The following NCAM1 variants were observed in gnomAD, a reference collection of about 807,000 sequenced individuals.
NCAM1 encodes the protein antigen recognized by monoclonal antibody 5.1H11.
A neutral mutation model predicts 109.8 loss-of-function variants in NCAM1; 14 were observed. That is an observed-to-expected ratio of 0.13 (90% confidence interval 0.08 to 0.20). NCAM1 has a LOEUF of 0.20. Ranked by LOEUF, NCAM1 falls within the 10% of genes least tolerant of loss-of-function variation. The pLI, the probability that NCAM1 is intolerant of heterozygous loss-of-function variation, is 1.00. For synonymous variants in NCAM1, 418 were observed against 442.9 expected (o/e 0.94, Z 0.70); for missense variants, 774 against 1,109.9 (o/e 0.70, Z 4.30).
At chr11:113,190,040 G>A (rs184731128) in intron 1 of NCAM1, among the ~76,000 whole-genome samples, 1 of 152,088 alleles carries the variant, frequency 6.6e-6, no homozygotes, top group African/African-American at 2.4e-5. Context: ...TGTGTGTTTG[G>A]TCGTGTTCCC....
At chr11:113,071,461 T>A (rs540005493) in intron 1 of NCAM1, among the ~76,000 whole-genome samples, 1 of 150,644 alleles carries the variant, frequency 6.6e-6, no homozygotes, top group Admixed American at 6.6e-5. Context: ...AGTCTCGCTT[T>A]ATCGCCCAGG....
intron 1 of NCAM1, among the ~76,000 whole-genome samples, chr11:113,153,128 C>T (rs541648137): frequency 4.3e-4 from 66 of 152,062 alleles, no homozygotes; most frequent in South Asian, 1.2e-3. Flanking sequence ...CTGCAACCTC[C>T]GCCTCCCGGG....
chr11:112,971,350 G>A (rs1450953524), intron 1 of NCAM1, among the ~76,000 whole-genome samples: 3 of 151,816 alleles, frequency 2.0e-5, no homozygotes, highest in East Asian at 1.9e-4. Context: ...TACTGTCATC[G>A]AAGGAAGAAT....
intron 1 of NCAM1, among the ~76,000 whole-genome samples, chr11:113,017,551 C>T (rs141564448): frequency 2.0e-5 from 3 of 151,912 alleles, no homozygotes; most frequent in African/African-American, 4.8e-5. Flanking sequence ...GATGCACAAA[C>T]GAAAACATCC....
At chr11:113,227,754 C>T (rs1248692125) in intron 9 of NCAM1, among the ~76,000 whole-genome samples, 1 of 152,216 alleles carries the variant, frequency 6.6e-6, no homozygotes, top group Non-Finnish European at 1.5e-5. Context: ...TGGGCTTCAT[C>T]CCTGGGATGC....
At chr11:113,243,013 G>T (rs1945380389) in intron 14 of NCAM1, 1 of 979,532 alleles carries the variant, frequency 1.0e-6, no homozygotes, top group Non-Finnish European at 1.2e-6. Context: ...CCGTCTGCTT[G>T]GCCAAGAGAG....
At chr11:113,266,253 C>T (rs781880389) in intron 17 of NCAM1, among the ~76,000 whole-genome samples, 3 of 152,204 alleles carry the variant, frequency 2.0e-5, no homozygotes, top group Non-Finnish European at 2.9e-5. Context: ...TGGCTTTCGC[C>T]TTCAATACCC....
At chr11:113,249,237 T>C (rs1246350648) in intron 15 of NCAM1, among the ~76,000 whole-genome samples, 1 of 152,232 alleles carries the variant, frequency 6.6e-6, no homozygotes, top group Non-Finnish European at 1.5e-5. Flanking sequence ...CACTCCCTCC[T>C]TTATTTTTTC....
At chr11:112,965,172 A>G (rs2134461918) in intron 1 of NCAM1, among the ~76,000 whole-genome samples, 1 of 152,296 alleles carries the variant, frequency 6.6e-6, no homozygotes, top group Admixed American at 6.5e-5. Context: ...TGATTAAACT[A>G]AGAATATGTT....
intron 1 of NCAM1, among the ~76,000 whole-genome samples, chr11:113,062,986 C>T (rs1422900320): frequency 1.3e-5 from 2 of 151,938 alleles, no homozygotes; most frequent in Non-Finnish European, 2.9e-5. Context: ...GGAAGGAAAC[C>T]AGGTCTGTGA....
At chr11:113,264,105 T>A in intron 17 of NCAM1, 3 of 985,356 alleles carry the variant, frequency 3.0e-6, no homozygotes, top group Non-Finnish European at 2.4e-6. Context: ...TCAGTGTGTG[T>A]GCTTGGGGAT....
Position 112,962,855 on chromosome 11 carries a change from C to T in NCAM1, c.52+1191C>T, listed in dbSNP as rs1195930409. On this transcript the variant is annotated intron_variant, in intron 1 of 19. Transcript: ENST00000316851. This position sits in a 1 kb window ranked among gnomAD's most constrained non-coding sequence, Gnocchi z 5.6. ...GCCGCAGAGAGCTGGGTGGGTTGGG[C>T]GGACATTCTGGGCGGGGGGCGTGTG... 6.6e-6 allele frequency among the ~76,000 whole-genome samples: 1 copy of T among 151,902 alleles called. No homozygotes were observed. Among genetic ancestry groups the T allele is most frequent in the Non-Finnish European group, 1.5e-5 (1 of 67,930 alleles).
chr11:113,228,509 A>C (rs1194006345), intron 9 of NCAM1, among the ~76,000 whole-genome samples: 1 of 152,224 alleles, frequency 6.6e-6, no homozygotes, highest in East Asian at 1.9e-4. Context: ...ATACTGCCCA[A>C]GGTAATTTAT....
chr11:113,044,663 C>T (rs1555080501), intron 1 of NCAM1, among the ~76,000 whole-genome samples: 1 of 151,738 alleles, frequency 6.6e-6, no homozygotes, highest in Non-Finnish European at 1.5e-5. Flanking sequence ...CCAGCCTGGG[C>T]GACAGAGTGA....
intron 1 of NCAM1, among the ~76,000 whole-genome samples, chr11:112,979,607 C>T (rs986425743): frequency 6.6e-6 from 1 of 151,788 alleles, no homozygotes. Flanking sequence ...CTCAGGTCGA[C>T]TGGAATCTCC....
chr11:113,065,797 G>T (rs1295460123), intron 1 of NCAM1, among the ~76,000 whole-genome samples: 2 of 152,154 alleles, frequency 1.3e-5, no homozygotes, highest in African/African-American at 4.8e-5. Context: ...CAGAAGAAGG[G>T]TGGTAGTGAA....
chr11:113,006,497 A>G (rs1951895868), intron 1 of NCAM1, among the ~76,000 whole-genome samples: 1 of 152,208 alleles, frequency 6.6e-6, no homozygotes. Context: ...AGTTGTAAAT[A>G]TAATTTTAAA....
chr11:113,082,339 G>A (rs890501263), intron 1 of NCAM1, among the ~76,000 whole-genome samples: 14 of 152,154 alleles, frequency 9.2e-5, no homozygotes, highest in African/African-American at 2.2e-4. Context: ...AGACTTGTAC[G>A]TGTATCTCCT....
chr11:112,965,962 T>A (rs979724203), intron 1 of NCAM1, among the ~76,000 whole-genome samples: 1 of 152,170 alleles, frequency 6.6e-6, no homozygotes, highest in African/African-American at 2.4e-5. Context: ...GGAAGAATCA[T>A]AGACTAGGAG....
Sources: allele counts gnomAD v4.1 joint callset (sites outside exome capture counted in the v4.1 genomes callset), GRCh38; gene constraint gnomAD v4.1.1; non-coding constraint Gnocchi (gnomAD v3.1); transcripts MANE v1.5; gene names NCBI Gene and HGNC (gene_info 2026-07-23, HGNC 2026-07-21).